SMC1B: variants seen among roughly 807,000 people sequenced by gnomAD.
The protein encoded by SMC1B is structural maintenance of chromosomes 1B.
Under a neutral mutation model 157.9 loss-of-function variants are expected in SMC1B, and 60 were observed. That is an observed-to-expected ratio of 0.38 (90% CI 0.31 to 0.47). The LOEUF is 0.47. SMC1B is among the 20% of genes least tolerant of loss of function. The pLI, the probability that SMC1B is intolerant of heterozygous loss-of-function variation, is 0.99. For missense variants in SMC1B, 1,165 were observed against 1,426.2 expected (o/e 0.82, Z 2.95); for synonymous variants, 445 against 483.0 (o/e 0.92, Z 1.03).
rs2086959436 is a variant in SMC1B, at chr22:45,383,541, T to C, written c.1984A>G (p.Lys662Glu). Residue 662 changes from lysine to glutamate, a missense_variant, in exon 12 of 25, where the codon AAG becomes GAG. By Grantham distance (56) the Lys-to-Glu change is moderately conservative. Transcript: ENST00000357450. ...TCTTTCTCATCCCAGCATCTAGCCTTGTATTTTAAGTCACTTGACCCTCCA... is the reference window on the plus strand; with the variant it reads ...TCTTTCTCATCCCAGCATCTAGCCTCGTATTTTAAGTCACTTGACCCTCCA... Reference protein sequence around the residue: ...ISGGSSDLKYKARCWDEKELK... With the variant: ...ISGGSSDLKYEARCWDEKELK... The C allele has an allele frequency of 6.2e-7, 1 of 1,610,790 alleles. No individual in the cohort carries two copies. Among genetic ancestry groups the C allele is most frequent in the South Asian group, 1.1e-5 (1 of 90,676 alleles).
At chr22:45,352,082 T>C (rs894523156) in intron 22 of SMC1B, among the ~76,000 whole-genome samples, 1 of 152,094 alleles carries the variant, frequency 6.6e-6, no homozygotes, top group African/African-American at 2.4e-5. Flanking sequence ...TAACAGAAAT[T>C]GAATAAAAAT....
intron 11 of SMC1B, among the ~76,000 whole-genome samples, chr22:45,385,333 G>T (rs2086979483): frequency 6.6e-6 from 1 of 152,038 alleles, no homozygotes; most frequent in Non-Finnish European, 1.5e-5. Flanking sequence ...AATACTACTT[G>T]CAATGTTTGA....
chr22:45,361,711 G>A, intron 17 of SMC1B, 128 bp downstream of exon 17: 1 of 870,474 alleles, frequency 1.1e-6, no homozygotes, highest in Non-Finnish European at 1.8e-6. Flanking sequence ...TGTTTGAAGG[G>A]TGTGATGTGA....
Position 45,354,040 on chromosome 22 carries a change from C to G in SMC1B, c.3211G>C (p.Glu1071Gln), listed in dbSNP as rs2086644907. 6.2e-7 allele frequency: 1 copy of G among 1,603,542 alleles called. No homozygotes were observed. The highest frequency in any genetic ancestry group is 8.5e-7 in the Non-Finnish European group (1 of 1,176,220). The change falls in exon 21 of 25, where the codon GAG becomes CAG. Residue 1071 changes from glutamate (E) to glutamine (Q), a missense_variant. Glu to Gln is a conservative substitution (Grantham distance 29). Transcript: ENST00000357450. Reference protein sequence around the residue: ...RRYDLFTQCFEHVSISIDQIY... With the variant: ...RRYDLFTQCFQHVSISIDQIY... ...TGATCAATTGAGATTGAGACATGCT[C>G]AAAACACTGGGTGAAAAGATCGTAT...
intron 12 of SMC1B, among the ~76,000 whole-genome samples, chr22:45,373,154 G>A (rs1027077472): frequency 6.6e-6 from 1 of 152,178 alleles, no homozygotes; most frequent in Non-Finnish European, 1.5e-5. Context: ...CATCTGACAT[G>A]TATTGATTGA....
At chr22:45,388,037 A>G (rs2087009304) in intron 10 of SMC1B, among the ~76,000 whole-genome samples, 1 of 150,056 alleles carries the variant, frequency 6.7e-6, no homozygotes. Context: ...TGTCAAAAAA[A>G]AAAACAGCAA....
intron 12 of SMC1B, among the ~76,000 whole-genome samples, chr22:45,378,051 G>A (rs1461458394): frequency 6.6e-6 from 1 of 151,956 alleles, no homozygotes; most frequent in Non-Finnish European, 1.5e-5. Context: ...TCACTATGTT[G>A]CCCAGTCTGT....
rs758214811 is a variant in SMC1B, at chr22:45,406,572, T to C, written c.503A>G (p.Tyr168Cys). 1.9e-6 allele frequency: 3 copies of C among 1,613,548 alleles called. No individual in the cohort carries two copies. Among genetic ancestry groups the C allele is most frequent in the Admixed American group, 3.3e-5 (2 of 59,986 alleles). The change falls in exon 4 of 25, where the codon TAT (tyrosine) becomes TGT (cysteine). Residue 168 changes from tyrosine (Y) to cysteine (C), a missense_variant. Transcript: ENST00000357450. Reference sequence around the variant, plus strand: ...TTGTAACTTTCTTTTCTTTTCTTCATATTCTCCTATAAGCTCTCCTGAAGT... The same window carrying C: ...TTGTAACTTTCTTTTCTTTTCTTCACATTCTCCTATAAGCTCTCCTGAAGT... ...ISTSGELIGE[Y>C]EEKKRKLQKA...
At chr22:45,351,655 C>T (rs142886833) in intron 22 of SMC1B, among the ~76,000 whole-genome samples, 84 of 152,280 alleles carry the variant, frequency 5.5e-4, no homozygotes, top group Non-Finnish European at 1.0e-3. Context: ...CTCCAGCAAT[C>T]CTCCCACCTC....
intron 11 of SMC1B, among the ~76,000 whole-genome samples, chr22:45,385,268 G>A (rs1461283684): frequency 2.0e-5 from 3 of 152,084 alleles, no homozygotes; most frequent in Non-Finnish European, 2.9e-5. Flanking sequence ...TACAGATACT[G>A]TATGTAGTTT....
chr22:45,399,319 G>C lies in SMC1B; in HGVS notation c.889C>G (p.Gln297Glu). Residue 297 changes from glutamine to glutamate, a missense_variant, in exon 6 of 25, where the codon CAG becomes GAG. Coordinates refer to ENST00000357450, the MANE Select transcript of SMC1B (RefSeq NM_148674.5). ...GTGTTTTCTTTGGCTTTAATGTACTGAGGCCTCTTCTGATTTAAAAGGGTT... is the reference window on the plus strand; with the variant it reads ...GTGTTTTCTTTGGCTTTAATGTACTCAGGCCTCTTCTGATTTAAAAGGGTT... Reference protein sequence around the residue: ...VETLLNQKRPQYIKAKENTSH... With the variant: ...VETLLNQKRPEYIKAKENTSH... 1 of 1,613,424 alleles carries C rather than the reference G, an allele frequency of 6.2e-7. No individual in the cohort carries two copies. Among genetic ancestry groups the C allele is most frequent in the Non-Finnish European group, 8.5e-7 (1 of 1,179,776 alleles).
chr22:45,371,441 C>A (rs2146794924), intron 14 of SMC1B, 30 bp downstream of exon 14: 5 of 1,555,106 alleles, frequency 3.2e-6, no homozygotes, highest in Non-Finnish European at 4.3e-6. Context: ...ACTACATATA[C>A]CATTTAGGAA....
At chr22:45,390,550 A>C (rs1394176256) in intron 9 of SMC1B, among the ~76,000 whole-genome samples, 2 of 151,864 alleles carry the variant, frequency 1.3e-5, no homozygotes, top group East Asian at 3.9e-4. Context: ...TACTAAAAAT[A>C]CAAAAATTAC....
rs1251836710 is a variant in SMC1B at position 45,349,775 on chromosome 22, CAAAG to C, written c.3444_3447del (p.Phe1148LeufsTer3). The C allele has an allele frequency of 3.7e-6, 6 of 1,611,686 alleles. No homozygotes were observed. The highest frequency in any genetic ancestry group is 1.1e-5 in the South Asian group (1 of 90,328). On this transcript the variant is annotated frameshift_variant, in exon 23 of 25. Transcript: ENST00000357450. LOFTEE classifies it high-confidence loss of function. ...AGGGCTGCATCCACTTCATCTAAAA[CAAAG>C]AATGGGGCAGGACGAAAACTAGAAA...
chr22:45,402,749 C>T (rs895046707), intron 4 of SMC1B, among the ~76,000 whole-genome samples, 178 bp from the exon 5 acceptor site: 1 of 152,142 alleles, frequency 6.6e-6, no homozygotes, highest in African/African-American at 2.4e-5. Context: ...TTAAATAACC[C>T]AATACACCAG....
At chr22:45,389,000 A>AAG (rs2087025082) in intron 10 of SMC1B, among the ~76,000 whole-genome samples, 2 of 148,966 alleles carry the variant, frequency 1.3e-5, no homozygotes, top group African/African-American at 5.1e-5. Context: ...AAAAAAAAAA[A>AAG]AAAAGAAAAA....
chr22:45,405,415 G>A (rs533150526), intron 4 of SMC1B, among the ~76,000 whole-genome samples: 3 of 152,146 alleles, frequency 2.0e-5, no homozygotes, highest in South Asian at 4.2e-4. Context: ...AGCCAGGAAC[G>A]GTGGCGGGCA....
intron 15 of SMC1B, among the ~76,000 whole-genome samples, chr22:45,369,604 G>A (rs1272189411): frequency 7.1e-6 from 1 of 141,310 alleles, no homozygotes; most frequent in South Asian, 2.3e-4. Context: ...GTGCAGTGGC[G>A]CAATCTCCGC....
At chr22:45,345,648 T>C (rs2086543663) in intron 23 of SMC1B, 79 bp from the exon 24 acceptor site, 2 of 864,756 alleles carry the variant, frequency 2.3e-6, no homozygotes, top group African/African-American at 1.7e-5. Flanking sequence ...TCTGCATGTC[T>C]CTGAGTCTGG....
Sources: gnomAD v4.1 joint callset for allele counts (sites outside exome capture counted in the v4.1 genomes callset) on GRCh38, gnomAD v4.1.1 for gene constraint, MANE v1.5 for transcripts, NCBI Gene and HGNC (gene_info 2026-07-23, HGNC 2026-07-21) for gene names.